The following TASP1 variants were observed in gnomAD, a reference collection of about 807,000 sequenced individuals.
TASP1 encodes the protein threonine aspartase 1.
TASP1 carries 16 observed loss-of-function variants against 56.6 expected under a neutral mutation model. The ratio of observed to expected loss-of-function variants is 0.28; its 90% CI spans 0.19 to 0.43. The LOEUF is 0.43. Among genes scored for constraint, TASP1 ranks in the 20% least tolerant of loss-of-function variants. The probability of loss-of-function intolerance (pLI) is 1.00; values close to 1 mark genes in which losing one functional copy is unlikely to be tolerated. For missense variants in TASP1, 393 were observed against 511.6 expected (o/e 0.77, Z 2.24); for synonymous variants, 179 against 184.2 (o/e 0.97, Z 0.23).
At chr20:13,396,700 C>T (rs1352634071) in intron 13 of TASP1, among the ~76,000 whole-genome samples, 4 of 152,154 alleles carry the variant, frequency 2.6e-5, no homozygotes, top group African/African-American at 9.7e-5. Flanking sequence ...TTCAGCCAAC[C>T]AATCAGAAAT....
chr20:13,159,582 G>A, the TASP1 span, among the ~76,000 whole-genome samples: 1 of 152,012 alleles, frequency 6.6e-6, no homozygotes, highest in Non-Finnish European at 1.5e-5. Flanking sequence ...AAACATATAG[G>A]TTTACAATTA....
the TASP1 span, among the ~76,000 whole-genome samples, chr20:13,330,556 T>G: frequency 6.6e-6 from 1 of 152,240 alleles, no homozygotes; most frequent in Non-Finnish European, 1.5e-5. Context: ...TGGCTCTTCC[T>G]TTATCTCCTA....
At chr20:13,564,556 G>GT (rs144190368) in intron 7 of TASP1, among the ~76,000 whole-genome samples, 245 of 138,570 alleles carry the variant, frequency 1.8e-3, no homozygotes, top group Middle Eastern at 3.8e-3. Context: ...TCCCAATAGT[G>GT]TTTTTTTTTT....
intron 11 of TASP1, among the ~76,000 whole-genome samples, chr20:13,474,389 G>A (rs570096887): frequency 1.3e-5 from 2 of 152,124 alleles, no homozygotes; most frequent in Non-Finnish European, 2.9e-5. Context: ...TATGATATTT[G>A]GTTTTCTATT....
At chr20:13,578,559 T>C (rs1369491682) in intron 6 of TASP1, among the ~76,000 whole-genome samples, 1 of 152,206 alleles carries the variant, frequency 6.6e-6, no homozygotes, top group African/African-American at 2.4e-5. Flanking sequence ...CTCATAGTCA[T>C]AAGAATACTC....
chr20:13,410,675 C>G (rs1027005829), intron 13 of TASP1, among the ~76,000 whole-genome samples: 2 of 151,030 alleles, frequency 1.3e-5, no homozygotes, highest in Non-Finnish European at 3.0e-5. Flanking sequence ...TTAATGGGAT[C>G]TTTTTTTTTA....
the TASP1 span, chr20:13,288,641 A>C: frequency 1.9e-6 from 3 of 1,613,926 alleles, no homozygotes; most frequent in Non-Finnish European, 1.7e-6. Context: ...CTACGCGTGC[A>C]CTGCAACAGA....
At chr20:13,229,838 C>G in the TASP1 span, among the ~76,000 whole-genome samples, 1 of 152,164 alleles carries the variant, frequency 6.6e-6, no homozygotes, top group African/African-American at 2.4e-5. Context: ...AAATCCCTCT[C>G]TCTCTTCTGT....
intron 13 of TASP1, among the ~76,000 whole-genome samples, chr20:13,391,625 G>A (rs1025161894): frequency 5.3e-5 from 8 of 152,072 alleles, no homozygotes; most frequent in Non-Finnish European, 1.2e-4. Flanking sequence ...AGTGGGAGCC[G>A]TTTAAGAAAA....
chr20:13,379,618 G>A, the TASP1 span, among the ~76,000 whole-genome samples: 1 of 151,864 alleles, frequency 6.6e-6, no homozygotes, highest in South Asian at 2.1e-4. Context: ...TTGAATGTTG[G>A]CCTGTCTTGG....
chr20:13,290,536 C>G, the TASP1 span, among the ~76,000 whole-genome samples: 1 of 152,070 alleles, frequency 6.6e-6, no homozygotes, highest in Non-Finnish European at 1.5e-5. Flanking sequence ...GTAGTCCCAG[C>G]TACTCGGGAG....
the TASP1 span, among the ~76,000 whole-genome samples, chr20:13,318,204 T>G: frequency 3.0e-3 from 455 of 151,292 alleles, 2 homozygotes; most frequent in African/African-American, 8.7e-3. Flanking sequence ...CCAAAGAAGA[T>G]ATACAGATGG....
intron 8 of TASP1, among the ~76,000 whole-genome samples, chr20:13,538,362 A>G (rs1388000464): frequency 6.6e-6 from 1 of 152,176 alleles, no homozygotes; most frequent in Non-Finnish European, 1.5e-5. Context: ...ACTTACTCAA[A>G]TATCAAGTAG....
chr20:13,271,455 C>A, the TASP1 span, among the ~76,000 whole-genome samples: 2 of 152,146 alleles, frequency 1.3e-5, no homozygotes, highest in African/African-American at 2.4e-5. Context: ...CTTTACAAAG[C>A]AAATGTTGAT....
At chr20:13,157,756 G>C in the TASP1 span, among the ~76,000 whole-genome samples, 1 of 152,178 alleles carries the variant, frequency 6.6e-6, no homozygotes, top group Non-Finnish European at 1.5e-5. Flanking sequence ...GCTGGCAAGA[G>C]TTTGCCCTGC....
intron 10 of TASP1, among the ~76,000 whole-genome samples, chr20:13,520,772 T>A (rs564531170): frequency 6.6e-6 from 1 of 152,008 alleles, no homozygotes; most frequent in South Asian, 2.1e-4. Context: ...AATTGACAAA[T>A]GGGATCTAAT....
chr20:13,257,135 GCTC>G, the TASP1 span, among the ~76,000 whole-genome samples: 1 of 152,194 alleles, frequency 6.6e-6, no homozygotes, highest in African/African-American at 2.4e-5. Flanking sequence ...TCAACATGAA[GCTC>G]CTCTTTTTTC....
At chr20:13,501,702 T>C (rs912783945) in intron 10 of TASP1, among the ~76,000 whole-genome samples, 10 of 152,012 alleles carry the variant, frequency 6.6e-5, no homozygotes, top group African/African-American at 2.4e-4. Context: ...AAATACTCCA[T>C]GTAAAAGGCA....
chr20:13,142,743 G>A, the TASP1 span, among the ~76,000 whole-genome samples: 1 of 152,156 alleles, frequency 6.6e-6, no homozygotes, highest in African/African-American at 2.4e-5. Flanking sequence ...AGCTCACATG[G>A]CTGTGCCAGA....
Sources: gnomAD v4.1 joint callset for allele counts (sites outside exome capture counted in the v4.1 genomes callset) on GRCh38, gnomAD v4.1.1 for gene constraint, MANE v1.5 for transcripts, NCBI Gene and HGNC (gene_info 2026-07-23, HGNC 2026-07-21) for gene names.